The following RELN variants were observed in gnomAD, a reference collection of about 807,000 sequenced individuals.
RELN encodes the protein reelin.
RELN carries 108 observed loss-of-function variants against 427.6 expected under a neutral mutation model. That is an observed-to-expected ratio of 0.25 (90% CI 0.22 to 0.30). The LOEUF (loss-of-function observed/expected upper bound fraction) is 0.30, where lower values mean the gene tolerates loss of function less well. RELN is among the 10% of genes least tolerant of loss of function. RELN has a pLI of 1.00. For synonymous variants in RELN, 1,524 were observed against 1,513.4 expected, an observed-to-expected ratio of 1.01 and a Z score of -0.16; for missense variants, 3,715 against 4,302.8, an observed-to-expected ratio of 0.86 and a Z score of 3.82.
rs1830690760 is a variant in RELN at position 103,563,902 on chromosome 7, A to G, written c.5210+1376T>C. Among the ~76,000 whole-genome samples the G allele has an allele frequency of 6.6e-6, 1 of 152,252 alleles. No homozygotes were observed. Among genetic ancestry groups the G allele is most frequent in the African/African-American group, 2.4e-5 (1 of 41,470 alleles). Reference sequence around the variant, plus strand: ...TACAGCTTTGTAGCTGAGGAGCAATAGGCTATATCATACAGCATAGGTGTG... The same window carrying G: ...TACAGCTTTGTAGCTGAGGAGCAATGGGCTATATCATACAGCATAGGTGTG... On this transcript the variant is annotated intron_variant, in intron 34 of 64. Transcript: ENST00000428762. This position sits in a 1 kb window ranked among gnomAD's most constrained non-coding sequence, Gnocchi z 4.1.
intron 6 of RELN, among the ~76,000 whole-genome samples, chr7:103,748,704 A>C (rs190085914): frequency 6.6e-6 from 1 of 152,366 alleles, no homozygotes; most frequent in East Asian, 1.9e-4. Context: ...TTTAGTCTTG[A>C]GTATTACATT....
intron 3 of RELN, among the ~76,000 whole-genome samples, chr7:103,807,989 A>C (rs1792641537): frequency 6.6e-6 from 1 of 152,128 alleles, no homozygotes; most frequent in Non-Finnish European, 1.5e-5. Context: ...GAGAACAGAG[A>C]TAAGCAAAAG....
chr7:103,741,333 G>T (rs588423), intron 6 of RELN, among the ~76,000 whole-genome samples: 33,221 of 151,788 alleles, frequency 0.22, 4,801 homozygotes, highest in African/African-American at 0.41. Flanking sequence ...CCTTTATGAT[G>T]TTGCTGTAAT....
intron 9 of RELN, among the ~76,000 whole-genome samples, chr7:103,699,591 A>C (rs17154435): frequency 0.23 from 34,331 of 151,966 alleles, 4,991 homozygotes; most frequent in African/African-American, 0.41. Context: ...CATATCAAAA[A>C]CATGTAGCTG....
rs766391460 is a variant in RELN at position 103,535,502 on chromosome 7, A to G, written c.7181-18T>C. The G allele has an allele frequency of 6.2e-7, 1 of 1,610,788 alleles. No homozygotes were observed. Among genetic ancestry groups the G allele is most frequent in the Non-Finnish European group, 8.5e-7 (1 of 1,177,010 alleles). On this transcript the variant is annotated intron_variant, in intron 45 of 64. Transcript: ENST00000428762. ...TTCAATCGCTGAAACAGGAAACATTATTTTGGATATAAACACATATCTGCA... is the reference window on the plus strand; with the variant it reads ...TTCAATCGCTGAAACAGGAAACATTGTTTTGGATATAAACACATATCTGCA...
intron 46 of RELN, among the ~76,000 whole-genome samples, chr7:103,525,540 G>A (rs997275946): frequency 3.3e-5 from 5 of 152,146 alleles, no homozygotes; most frequent in African/African-American, 1.2e-4. Context: ...TAACTCAGCG[G>A]TTTTGCTGAT....
At chr7:103,513,788 G>A (rs1049578576) in intron 50 of RELN, 4 of 151,958 alleles carry the variant, frequency 2.6e-5, no homozygotes, top group Non-Finnish European at 4.4e-5. Flanking sequence ...AAGAAGCTAT[G>A]AAATATATAT....
chr7:103,870,684 C>T (rs1298368887), intron 2 of RELN, among the ~76,000 whole-genome samples: 1 of 152,114 alleles, frequency 6.6e-6, no homozygotes. Flanking sequence ...TTTGGCAAGA[C>T]CAGACCTTCA....
chr7:103,575,455 A>G, intron 29 of RELN, 93 bp downstream of exon 29: 3 of 1,336,080 alleles, frequency 2.2e-6, no homozygotes, highest in Non-Finnish European at 3.2e-6. Flanking sequence ...GAATAAATTC[A>G]GAATTTATTT....
At chr7:103,908,534 C>T (rs895601907) in intron 2 of RELN, among the ~76,000 whole-genome samples, 6 of 152,118 alleles carry the variant, frequency 3.9e-5, no homozygotes, top group Non-Finnish European at 8.8e-5. Context: ...TGAGCCACCA[C>T]GTTGAACTGA....
At chr7:103,808,605 A>C (rs562422095) in intron 3 of RELN, among the ~76,000 whole-genome samples, 2 of 152,178 alleles carry the variant, frequency 1.3e-5, no homozygotes, top group East Asian at 3.9e-4. Flanking sequence ...CAAAGAAAAA[A>C]TATTTTATAG....
At chr7:103,753,149 A>G in intron 5 of RELN, 33 bp downstream of exon 5, 1 of 1,610,804 alleles carries the variant, frequency 6.2e-7, no homozygotes, top group Non-Finnish European at 8.5e-7. Context: ...ATCAAGTACT[A>G]AAGTTAATGA....
chr7:103,846,228 C>T (rs1793673451), intron 2 of RELN, among the ~76,000 whole-genome samples: 1 of 152,122 alleles, frequency 6.6e-6, no homozygotes, highest in South Asian at 2.1e-4. Flanking sequence ...GGTATGAAAA[C>T]AGATATACAG....
intron 3 of RELN, among the ~76,000 whole-genome samples, chr7:103,792,224 A>T (rs1429776708): frequency 6.6e-6 from 1 of 152,234 alleles, no homozygotes; most frequent in Non-Finnish European, 1.5e-5. Context: ...TGTATACACA[A>T]GAAACACATG....
chr7:103,483,337 C>T (rs1487151417), intron 62 of RELN, among the ~76,000 whole-genome samples: 1 of 152,130 alleles, frequency 6.6e-6, no homozygotes, highest in African/African-American at 2.4e-5. Flanking sequence ...ACTAGCACAC[C>T]AGCAGAAAAT....
At chr7:103,944,762 C>A (rs940719271) in intron 1 of RELN, among the ~76,000 whole-genome samples, 1 of 152,070 alleles carries the variant, frequency 6.6e-6, no homozygotes, top group Non-Finnish European at 1.5e-5. Flanking sequence ...AGCCACTCAC[C>A]CCTGGTGTTT....
intron 11 of RELN, 25 bp from the exon 12 acceptor site, chr7:103,661,552 T>C: frequency 1.2e-6 from 2 of 1,609,318 alleles, no homozygotes; most frequent in Non-Finnish European, 1.7e-6. Context: ...GGATTAAGAG[T>C]TAGAGTTAGA....
chr7:103,846,496 C>A (rs1435116282), intron 2 of RELN, among the ~76,000 whole-genome samples: 1 of 152,156 alleles, frequency 6.6e-6, no homozygotes, highest in Non-Finnish European at 1.5e-5. Context: ...TTTGGCAATA[C>A]CATTCAGGAC....
chr7:103,966,282 G>A (rs940108395), intron 1 of RELN, among the ~76,000 whole-genome samples: 1 of 152,096 alleles, frequency 6.6e-6, no homozygotes, highest in African/African-American at 2.4e-5. Flanking sequence ...GGTACAAGGT[G>A]GGACCCAGCC....
Sources: gnomAD v4.1 joint callset for allele counts (sites outside exome capture counted in the v4.1 genomes callset) on GRCh38, gnomAD v4.1.1 for gene constraint, Gnocchi (gnomAD v3.1) non-coding constraint, MANE v1.5 for transcripts, NCBI Gene and HGNC (gene_info 2026-07-23, HGNC 2026-07-21) for gene names.